The following ATP11B variants were observed in gnomAD, a reference collection of about 807,000 sequenced individuals.
ATP11B encodes ATPase phospholipid transporting 11B (putative).
In ATP11B, 81 loss-of-function variants were observed where a neutral mutation model predicts 157.8. The observed-to-expected ratio is 0.51, with a 90% CI of 0.43 to 0.62. ATP11B has a LOEUF of 0.62. ATP11B is among the 20% of genes least tolerant of loss of function. ATP11B has a pLI of 0.00. For missense variants in ATP11B, 1,165 were observed against 1,402.2 expected (o/e 0.83, Z 2.70); for synonymous variants, 451 against 469.4 (o/e 0.96, Z 0.51).
chr3:182,818,984 A>G (rs1245119744), intron 1 of ATP11B, among the ~76,000 whole-genome samples: 2 of 151,490 alleles, frequency 1.3e-5, no homozygotes, highest in African/African-American at 4.8e-5. Context: ...GTTAGAACCA[A>G]AGAAAGAAAG....
chr3:182,861,665 C>T (rs1308312115), intron 12 of ATP11B, among the ~76,000 whole-genome samples: 2 of 152,132 alleles, frequency 1.3e-5, no homozygotes, highest in African/African-American at 4.8e-5. Context: ...TTTGATTATG[C>T]TCAAATTGTC....
chr3:182,883,411 C>T (rs533692334), intron 21 of ATP11B, among the ~76,000 whole-genome samples: 1 of 151,922 alleles, frequency 6.6e-6, no homozygotes, highest in East Asian at 2.0e-4. Context: ...GCACCCACCA[C>T]CATGCCCAAC....
chr3:182,882,804 G>A (rs943252850), intron 21 of ATP11B, among the ~76,000 whole-genome samples: 2 of 152,006 alleles, frequency 1.3e-5, no homozygotes, highest in East Asian at 1.9e-4. Flanking sequence ...TAATAATCCT[G>A]GTATACAAAG....
intron 27 of ATP11B, among the ~76,000 whole-genome samples, 192 bp downstream of exon 27, chr3:182,897,598 T>C (rs578232865): frequency 6.6e-6 from 1 of 151,952 alleles, no homozygotes; most frequent in Non-Finnish European, 1.5e-5. Context: ...TTTTCTAGAT[T>C]TTTTTTATAT....
Position 182,793,711 on chromosome 3 carries a change from G to GCCCCGCGGC in ATP11B, c.-41_-33dup, listed in dbSNP as rs1715393753. On this transcript the variant is annotated 5_prime_UTR_variant, in exon 1 of 30. Transcript: ENST00000323116. ...TCTGTCTTGTCGGCCTCCACCTGCA[G>GCCCCGCGGC]CCCCGCGGCCCCCGCGCCCCGCGGG... 3 of 1,356,522 alleles carry GCCCCGCGGC rather than the reference G, an allele frequency of 2.2e-6. No homozygotes were observed. The highest frequency in any genetic ancestry group is 3.0e-5 in the African/African-American group (2 of 66,000). The allele number at this position is 1,356,522 out of a possible 1,614,324, so 84.0% of individuals were successfully genotyped here. A position where few individuals can be genotyped will look rare whatever the true frequency, so the allele number is the denominator to read the frequency against.
chr3:182,841,997 AC>A (rs1215565796), intron 7 of ATP11B, 77 bp from the exon 8 acceptor site: 549 of 911,034 alleles, frequency 6.0e-4, no homozygotes, highest in East Asian at 1.2e-3. Context: ...AAAAAAAAAA[AC>A]AAAGGATGGT....
At chr3:182,904,717 A>G (rs1048810345) in intron 28 of ATP11B, among the ~76,000 whole-genome samples, 1 of 152,092 alleles carries the variant, frequency 6.6e-6, no homozygotes, top group Middle Eastern at 3.4e-3. Flanking sequence ...GTGAAACCCC[A>G]TCTCTACTAA....
intron 28 of ATP11B, among the ~76,000 whole-genome samples, chr3:182,902,111 G>A (rs1160559238): frequency 6.6e-6 from 1 of 152,098 alleles, no homozygotes; most frequent in African/African-American, 2.4e-5. Context: ...GCTACAGGCA[G>A]TAGTCGTTAT....
At chr3:182,891,213 A>C (rs758616933) in intron 25 of ATP11B, among the ~76,000 whole-genome samples, 4 of 152,158 alleles carry the variant, frequency 2.6e-5, no homozygotes, top group Middle Eastern at 3.2e-3. Context: ...CAGAATTAAG[A>C]GGGGAGGAGA....
intron 12 of ATP11B, among the ~76,000 whole-genome samples, chr3:182,859,798 ATTTT>A (rs1344249460): frequency 6.6e-6 from 1 of 151,830 alleles, no homozygotes; most frequent in East Asian, 1.9e-4. Flanking sequence ...CTTCTTATAT[ATTTT>A]GTTTTCCCAA....
intron 12 of ATP11B, among the ~76,000 whole-genome samples, chr3:182,864,428 T>C (rs899371014): frequency 6.6e-6 from 1 of 152,126 alleles, no homozygotes. Context: ...AAGTTCCTTT[T>C]TATTCCAGTT....
intron 28 of ATP11B, among the ~76,000 whole-genome samples, chr3:182,911,366 G>A (rs552525326): frequency 1.4e-5 from 2 of 148,120 alleles, no homozygotes; most frequent in African/African-American, 5.0e-5. Context: ...CAGCAGCTGG[G>A]TTTGAGCTTT....
intron 4 of ATP11B, among the ~76,000 whole-genome samples, chr3:182,830,959 G>T (rs1718089582): frequency 6.6e-6 from 1 of 152,068 alleles, no homozygotes; most frequent in African/African-American, 2.4e-5. Flanking sequence ...TTTCAACAAA[G>T]TAACATGTTT....
At chr3:182,795,166 A>G (rs918738364) in intron 1 of ATP11B, among the ~76,000 whole-genome samples, 3 of 149,366 alleles carry the variant, frequency 2.0e-5, no homozygotes, top group African/African-American at 7.6e-5. Flanking sequence ...TAATGATGTC[A>G]TTATAATACC....
In ATP11B at chr3:182,823,686, AT is replaced by A. The variant is rs1316881598; in HGVS notation, c.144+3311del. Among the ~76,000 whole-genome samples, 23 of 152,192 alleles carry A rather than the reference AT, an allele frequency of 1.5e-4. 1 individual carries two copies. Among genetic ancestry groups the A allele is most frequent in the Non-Finnish European group, 1.6e-4 (11 of 68,036 alleles). On this transcript the variant is annotated intron_variant, in intron 2 of 29. Transcript: ENST00000323116. ...GGTAGCTTGATGGGGATGGCATTAA[AT>A]GTATAAATTACCTTGGGCAGTATGG...
intron 3 of ATP11B, among the ~76,000 whole-genome samples, chr3:182,829,344 C>A (rs1271936426): frequency 6.6e-6 from 1 of 152,020 alleles, no homozygotes; most frequent in Non-Finnish European, 1.5e-5. Context: ...ATTCTGAATC[C>A]AAGGGTAAAA....
intron 1 of ATP11B, among the ~76,000 whole-genome samples, chr3:182,803,432 A>G (rs1205080280): frequency 6.6e-6 from 1 of 152,124 alleles, no homozygotes; most frequent in East Asian, 1.9e-4. Flanking sequence ...TATGTTGTAA[A>G]TATCTTCTAG....
At chr3:182,811,679 C>T (rs1313146104) in intron 1 of ATP11B, among the ~76,000 whole-genome samples, 1 of 152,112 alleles carries the variant, frequency 6.6e-6, no homozygotes, top group Non-Finnish European at 1.5e-5. Flanking sequence ...CTGTAGAACA[C>T]TAAGTATATG....
In ATP11B at chr3:182,905,825, C is replaced by A. The variant is rs568821274; in HGVS notation, c.3318+7053C>A. The A allele has an allele frequency of 8.8e-6, 4 of 456,714 alleles. No individual in the cohort carries two copies. In the East Asian group the frequency reaches 2.1e-4, roughly 24 times the overall value. The allele number at this position is 456,714 out of a possible 1,614,324, so 28.3% of individuals were successfully genotyped here. ...GAAGATAAGGGTTCAGTCAGCTCAG[C>A]ATATGAATTTGCTGAAAGCCAGCAC... On this transcript the variant is annotated intron_variant, in intron 28 of 29. Transcript: ENST00000323116.
Sources: gnomAD v4.1 joint callset for allele counts (sites outside exome capture counted in the v4.1 genomes callset) on GRCh38, gnomAD v4.1.1 for gene constraint, MANE v1.5 for transcripts, NCBI Gene and HGNC (gene_info 2026-07-23, HGNC 2026-07-21) for gene names.